The following NETO2 variants were observed in gnomAD, a reference collection of about 807,000 sequenced individuals.
NETO2 encodes neuropilin and tolloid-like protein 2.
Under a neutral mutation model 62.5 loss-of-function variants are expected in NETO2, and 28 were observed. The ratio of observed to expected loss-of-function variants is 0.45; its 90% confidence interval spans 0.33 to 0.61. The LOEUF is 0.61. NETO2 is among the 20% of genes least tolerant of loss of function. The pLI is 0.02. For missense variants in NETO2, 548 were observed against 643.2 expected, an observed-to-expected ratio of 0.85 and a Z score of 1.60; for synonymous variants, 214 against 219.1, an observed-to-expected ratio of 0.98 and a Z score of 0.21.
chr16:47,133,599 CATAACATAAAATAAAATAAA>C (rs1374745784), intron 1 of NETO2, among the ~76,000 whole-genome samples: 9 of 122,524 alleles, frequency 7.3e-5, no homozygotes, highest in African/African-American at 2.5e-4. Context: ...CATAAAATGA[CATAACATAAAATAAAATAAA>C]ATAAAATAAA....
intron 6 of NETO2, among the ~76,000 whole-genome samples, chr16:47,110,250 A>G (rs1399177297): frequency 6.6e-6 from 1 of 152,204 alleles, no homozygotes; most frequent in Admixed American, 6.5e-5. Flanking sequence ...CTACTGTTCT[A>G]CATGGTTGCT....
intron 6 of NETO2, among the ~76,000 whole-genome samples, chr16:47,122,252 T>C (rs1156367424): frequency 6.6e-6 from 1 of 152,202 alleles, no homozygotes; most frequent in African/African-American, 2.4e-5. Flanking sequence ...TTTTCGCTTT[T>C]AGATTGCTAC....
chr16:47,122,990 G>A (rs1224574266), intron 4 of NETO2, 78 bp from the exon 5 acceptor site: 18 of 1,361,698 alleles, frequency 1.3e-5, no homozygotes, highest in Non-Finnish European at 1.9e-5. Context: ...TACATCTAAC[G>A]TTCCATTTCA....
chr16:47,099,778 CA>C (rs1963504238), intron 7 of NETO2, among the ~76,000 whole-genome samples: 1 of 152,166 alleles, frequency 6.6e-6, no homozygotes, highest in Non-Finnish European at 1.5e-5. Flanking sequence ...TATATATATG[CA>C]CCCAATACAG....
chr16:47,085,380 CT>C lies in NETO2; in HGVS notation c.997+845del, dbSNP rs113927407. On this transcript the variant is annotated intron_variant, in intron 8 of 8. Transcript: ENST00000562435. ...TAAGGGCAAGGCATACCACGATATA[CT>C]TTTTTTTTTTTTGGATGAGACGGAG... Among the ~76,000 whole-genome samples, 583 of 145,370 alleles carry C rather than the reference CT, an allele frequency of 4.0e-3. 1 individual carries two copies. The highest frequency in any genetic ancestry group is 4.1e-3 in the Non-Finnish European group (271 of 65,602).
At chr16:47,113,440 A>T (rs1335658669) in intron 6 of NETO2, among the ~76,000 whole-genome samples, 1 of 152,202 alleles carries the variant, frequency 6.6e-6, no homozygotes, top group Non-Finnish European at 1.5e-5. Context: ...CCAGAATTTC[A>T]TATAAATGAA....
At chr16:47,135,790 T>C (rs912496163) in intron 1 of NETO2, among the ~76,000 whole-genome samples, 6 of 152,174 alleles carry the variant, frequency 3.9e-5, no homozygotes, top group Non-Finnish European at 7.4e-5. Context: ...CTTTTCACTA[T>C]TACTTAATAG....
Position 47,077,890 on chromosome 16 carries a change from T to C in NETO2, c.*5331A>G, listed in dbSNP as rs545377452. ...AAACTCAGAGGAGTTTCTGCCTTCT[T>C]TTGCTCCCCACTCCGTGTTCACCTG... On this transcript the variant is annotated 3_prime_UTR_variant, in exon 9 of 9. Coordinates refer to ENST00000562435, the MANE Select transcript of NETO2 (RefSeq NM_018092.5). 7.9e-5 allele frequency: 12 copies of C among 152,352 alleles called. No homozygotes were observed. The East Asian group carries it at 1.9e-3, about 25-fold the overall frequency. 9.4% of individuals were successfully genotyped at this position (152,352 alleles called of 1,614,324 possible). A position where few individuals can be genotyped will look rare whatever the true frequency, so the allele number is the denominator to read the frequency against.
At chr16:47,128,716 G>A in intron 3 of NETO2, 143 bp from the exon 4 acceptor site, 1 of 849,132 alleles carries the variant, frequency 1.2e-6, no homozygotes, top group Non-Finnish European at 1.8e-6. Flanking sequence ...TACAAGTCAT[G>A]ATAAATGTAT....
chr16:47,081,875 CTAAA>C lies in NETO2; in HGVS notation c.*1342_*1345del, dbSNP rs2143785151. 1 of 152,554 alleles carries C rather than the reference CTAAA, an allele frequency of 6.6e-6. No homozygotes were observed. The highest frequency in any genetic ancestry group is 1.9e-4 in the East Asian group (1 of 5,182). 9.5% of individuals were successfully genotyped at this position (152,554 alleles called of 1,614,324 possible). On this transcript the variant is annotated 3_prime_UTR_variant, in exon 9 of 9. Transcript: ENST00000562435. ...CACACAGTGAAAAATTTATCACAAACTAAATACAGTAACAAAAGGAAAGAAAGAG... is the reference window on the plus strand; with the variant it reads ...CACACAGTGAAAAATTTATCACAAACTACAGTAACAAAAGGAAAGAAAGAG...
rs1257558494 is a variant in NETO2, at chr16:47,082,911, G to C, written c.*310C>G. On this transcript the variant is annotated 3_prime_UTR_variant, in exon 9 of 9. Transcript: ENST00000562435. ...AGAGCAGTCTTCTTGTTGCTAAAAC[G>C]AAGAGGCAGCCTGAGCCTGGCTCCA... The C allele has an allele frequency of 3.7e-6, 1 of 267,672 alleles. No homozygotes were observed. The highest frequency in any genetic ancestry group is 2.2e-5 in the African/African-American group (1 of 45,604). The allele number at this position is 267,672 out of a possible 1,614,324, so 16.6% of individuals were successfully genotyped here.
intron 1 of NETO2, among the ~76,000 whole-genome samples, chr16:47,134,941 C>G (rs1489815149): frequency 6.6e-6 from 1 of 152,100 alleles, no homozygotes; most frequent in African/African-American, 2.4e-5. Flanking sequence ...GAGGGCTGCA[C>G]AGTTTTCTTT....
chr16:47,138,809 T>C lies in NETO2; in HGVS notation c.34+4770A>G, dbSNP rs117769084. ...GTGCCCCTTACTCTGACTTCGGAGGTACTATGTGACCTGGAGCCTGCGTGT... is the reference window on the plus strand; with the variant it reads ...GTGCCCCTTACTCTGACTTCGGAGGCACTATGTGACCTGGAGCCTGCGTGT... On this transcript the variant is annotated intron_variant, in intron 1 of 8. Coordinates refer to ENST00000562435, the MANE Select transcript of NETO2 (RefSeq NM_018092.5). 7.6e-4 allele frequency among the ~76,000 whole-genome samples: 116 copies of C among 152,266 alleles called. No homozygotes were observed. In the East Asian group the frequency reaches 0.012, roughly 16 times the overall value.
chr16:47,121,699 C>A (rs918616833), intron 6 of NETO2, among the ~76,000 whole-genome samples: 1 of 152,198 alleles, frequency 6.6e-6, no homozygotes, highest in African/African-American at 2.4e-5. Context: ...CAGGACTCTT[C>A]TTTTCTCAGT....
Position 47,081,034 on chromosome 16 carries a change from T to C in NETO2, c.*2187A>G, listed in dbSNP as rs572223343. On this transcript the variant is annotated 3_prime_UTR_variant, in exon 9 of 9. Transcript: ENST00000562435. ...ACTGTTATGTCTTCTTTAAAGGCTC[T>C]GTATTTTGTAGGCCTCTTCAAGACC... 1 of 152,302 alleles carries C rather than the reference T, an allele frequency of 6.6e-6. No individual in the cohort carries two copies. Among genetic ancestry groups the C allele is most frequent in the Non-Finnish European group, 1.5e-5 (1 of 68,012 alleles). 9.4% of individuals were successfully genotyped at this position (152,302 alleles called of 1,614,324 possible). A position where few individuals can be genotyped will look rare whatever the true frequency, so the allele number is the denominator to read the frequency against.
Position 47,083,533 on chromosome 16 carries a change from G to A in NETO2, c.1266C>T (p.Tyr422=). The A allele has an allele frequency of 6.2e-7, 1 of 1,614,206 alleles. No individual in the cohort carries two copies. The highest frequency in any genetic ancestry group is 8.5e-7 in the Non-Finnish European group (1 of 1,180,046). The change falls in exon 9 of 9, where the codon TAC becomes TAT. Residue 422 remains tyrosine, a synonymous_variant. Coordinates refer to ENST00000562435, the MANE Select transcript of NETO2 (RefSeq NM_018092.5). ...CGGTGGAGGAGCGCCGCATCTTCTG[G>A]TAGTTGTCCAATTCTTCCGACAAGT... ...LADLSEELDN[Y]QKMRRSSTAS...
intron 7 of NETO2, among the ~76,000 whole-genome samples, chr16:47,087,623 T>TAAAA (rs975965931): frequency 6.6e-6 from 1 of 152,074 alleles, no homozygotes; most frequent in East Asian, 1.9e-4. Context: ...TTACCCATAA[T>TAAAA]AAAAAAAATC....
chr16:47,121,626 T>C (rs150896379), intron 6 of NETO2, among the ~76,000 whole-genome samples: 168 of 152,356 alleles, frequency 1.1e-3, no homozygotes, highest in Non-Finnish European at 1.9e-3. Context: ...TATGCTTTCA[T>C]GTGAGTTGCC....
intron 6 of NETO2, among the ~76,000 whole-genome samples, chr16:47,122,143 G>C (rs1964051787): frequency 1.3e-5 from 2 of 152,126 alleles, no homozygotes; most frequent in Non-Finnish European, 2.9e-5. Flanking sequence ...CAATCTGTCA[G>C]AGTTATTTAA....
Sources: allele counts gnomAD v4.1 joint callset (sites outside exome capture counted in the v4.1 genomes callset), GRCh38; gene constraint gnomAD v4.1.1; transcripts MANE v1.5; gene names NCBI Gene and HGNC (gene_info 2026-07-23, HGNC 2026-07-21).